AIG1: variants seen among roughly 807,000 people sequenced by gnomAD.
AIG1 encodes androgen-induced gene 1 protein.
AIG1 carries 23 observed loss-of-function variants against 31.4 expected under a neutral mutation model. The ratio of observed to expected loss-of-function variants is 0.73; its 90% CI spans 0.53 to 1.04. The LOEUF is 1.04. Ranked by LOEUF, AIG1 falls within the 50% of genes least tolerant of loss-of-function variation. AIG1 has a pLI of 0.00. For synonymous variants in AIG1, 100 were observed against 110.5 expected (o/e 0.90, Z 0.60); for missense variants, 274 against 295.0 (o/e 0.93, Z 0.52).
intron 1 of AIG1, among the ~76,000 whole-genome samples, chr6:143,124,630 C>T (rs887045469): frequency 7.9e-5 from 12 of 152,100 alleles, no homozygotes; most frequent in African/African-American, 2.7e-4. Flanking sequence ...AAGAAATACC[C>T]GAGGGTAATT....
At chr6:143,273,808 C>T (rs1796707872) in intron 3 of AIG1, among the ~76,000 whole-genome samples, 1 of 152,156 alleles carries the variant, frequency 6.6e-6, no homozygotes, top group South Asian at 2.1e-4. Flanking sequence ...TCAATTTTCT[C>T]CCACCAGGAC....
At position 143,299,107 on chromosome 6, in the gene AIG1, C is replaced by G. The variant is rs1435337113; in HGVS notation, c.515+14882C>G. 6.6e-6 allele frequency: 1 copy of G among 152,190 alleles called. No homozygotes were observed. The highest frequency in any genetic ancestry group is 1.5e-5 in the Non-Finnish European group (1 of 68,074). The allele number at this position is 152,190 out of a possible 1,614,324, so 9.4% of individuals were successfully genotyped here. A position where few individuals can be genotyped will look rare whatever the true frequency, so the allele number is the denominator to read the frequency against. On this transcript the variant is annotated intron_variant, in intron 4 of 5. Coordinates refer to ENST00000357847, the MANE Select transcript of AIG1 (RefSeq NM_016108.4). This position sits in a 1 kb window ranked among gnomAD's most constrained non-coding sequence, Gnocchi z 4.1. ...GGATGGCTGAAAAGAACTTCTGGGT[C>G]TATGACTCTCTCCTTGACAGAGGTG...
chr6:143,292,860 C>T lies in AIG1; in HGVS notation c.515+8635C>T, dbSNP rs558210560. Among the ~76,000 whole-genome samples, 6 of 152,274 alleles carry T rather than the reference C, an allele frequency of 3.9e-5. No homozygotes were observed. Among genetic ancestry groups the T allele is most frequent in the East Asian group, 3.9e-4 (2 of 5,184 alleles). ...AGTGGCCATTGTTGTTCTGTTTATA[C>T]GCTAGGAATACTCCATCCTAAGAGA... On this transcript the variant is annotated intron_variant, in intron 4 of 5. Coordinates refer to ENST00000357847, the MANE Select transcript of AIG1 (RefSeq NM_016108.4). The surrounding 1 kb of genome is among the most constrained non-coding windows in gnomAD (Gnocchi z 4.9).
chr6:143,335,059 A>T (rs1777368186), intron 5 of AIG1: 2 of 1,432,686 alleles, frequency 1.4e-6, no homozygotes, highest in African/African-American at 1.4e-5. Context: ...AGATATGAAA[A>T]TTAAGTTTAT....
chr6:143,303,935 G>C (rs942322538), intron 4 of AIG1, among the ~76,000 whole-genome samples: 6 of 148,180 alleles, frequency 4.0e-5, no homozygotes, highest in East Asian at 4.1e-4. Context: ...TTGAAGAGGT[G>C]CTTCACATCC....
intron 1 of AIG1, among the ~76,000 whole-genome samples, chr6:143,066,809 T>C (rs771764029): frequency 1.3e-5 from 2 of 152,194 alleles, no homozygotes; most frequent in Non-Finnish European, 2.9e-5. Flanking sequence ...TAACAATTTA[T>C]TGGGAAAAAT....
At chr6:143,317,441 G>A (rs1408213619) in intron 4 of AIG1, among the ~76,000 whole-genome samples, 1 of 152,082 alleles carries the variant, frequency 6.6e-6, no homozygotes, top group Non-Finnish European at 1.5e-5. Flanking sequence ...AAAAGCAGTT[G>A]ACAAAATCCA....
chr6:143,212,254 A>C lies in AIG1; in HGVS notation c.399+47071A>C, dbSNP rs143810681. Among the ~76,000 whole-genome samples the C allele has an allele frequency of 9.9e-4, 151 of 152,270 alleles. 1 individual carries two copies. Among genetic ancestry groups the C allele is most frequent in the African/African-American group, 3.6e-3 (148 of 41,560 alleles). ...CCACCTATTCTTGAAGACCAGTTTT[A>C]ATTGCCTCATGCTTCGAGCCCATTC... On this transcript the variant is annotated intron_variant, in intron 3 of 5. Transcript: ENST00000357847.
chr6:143,257,380 CCTT>C (rs1390193008), intron 3 of AIG1, among the ~76,000 whole-genome samples: 19 of 152,060 alleles, frequency 1.2e-4, no homozygotes, highest in Non-Finnish European at 5.9e-5. Flanking sequence ...TATTCAGGGA[CCTT>C]CTCGAACAAA....
intron 3 of AIG1, among the ~76,000 whole-genome samples, chr6:143,224,269 T>A (rs115375194): frequency 3.9e-5 from 6 of 152,118 alleles, no homozygotes; most frequent in Non-Finnish European, 7.4e-5. Flanking sequence ...TCTTTTACCC[T>A]CCCTTTCCTC....
chr6:143,276,772 T>C (rs1796951095), intron 3 of AIG1, among the ~76,000 whole-genome samples: 2 of 152,144 alleles, frequency 1.3e-5, no homozygotes, highest in South Asian at 4.1e-4. Context: ...ATTAGCGAAA[T>C]TAATAATGAT....
intron 4 of AIG1, among the ~76,000 whole-genome samples, chr6:143,306,614 C>T (rs921619664): frequency 1.3e-5 from 2 of 152,146 alleles, no homozygotes; most frequent in Non-Finnish European, 2.9e-5. Context: ...CCCGACCTTT[C>T]TCTCTGGCTT....
At chr6:143,215,954 G>A (rs759749042) in intron 3 of AIG1, among the ~76,000 whole-genome samples, 1 of 152,112 alleles carries the variant, frequency 6.6e-6, no homozygotes, top group Non-Finnish European at 1.5e-5. Flanking sequence ...AAACGAATGA[G>A]TGACTATGTT....
rs1454724946 is a variant in AIG1, at chr6:143,326,265, C to G, written c.516-7017C>G. Among the ~76,000 whole-genome samples, 3 of 152,206 alleles carry G rather than the reference C, an allele frequency of 2.0e-5. No individual in the cohort carries two copies. Among genetic ancestry groups the G allele is most frequent in the African/African-American group, 7.2e-5 (3 of 41,454 alleles). Reference sequence around the variant, plus strand: ...CCCATGGTTTGGCACCTGCCTGCTCCTTCTGCCCTCTCTTCCTTGATCACA... The same window carrying G: ...CCCATGGTTTGGCACCTGCCTGCTCGTTCTGCCCTCTCTTCCTTGATCACA... On this transcript the variant is annotated intron_variant, in intron 4 of 5. Coordinates refer to ENST00000357847, the MANE Select transcript of AIG1 (RefSeq NM_016108.4). This position sits in a 1 kb window ranked among gnomAD's most constrained non-coding sequence, Gnocchi z 4.5.
Position 143,074,101 on chromosome 6 carries a change from A to G in AIG1, c.141+13035A>G, listed in dbSNP as rs539394702. 7.9e-5 allele frequency among the ~76,000 whole-genome samples: 12 copies of G among 152,288 alleles called. No homozygotes were observed. The South Asian group carries it at 2.3e-3, about 29-fold the overall frequency. ...TTTTAATTGGGTCATTTGTTTTTCT[A>G]TGATTGAGTTGCATCAGTTCTTTAT... On this transcript the variant is annotated intron_variant, in intron 1 of 5. Transcript: ENST00000357847.
chr6:143,080,782 G>A (rs1342733348), intron 1 of AIG1, among the ~76,000 whole-genome samples: 2 of 152,168 alleles, frequency 1.3e-5, no homozygotes, highest in Admixed American at 6.5e-5. Context: ...AGTATCCAGG[G>A]TTTGGCTCGA....
At chr6:143,089,871 G>A (rs1404016498) in intron 1 of AIG1, among the ~76,000 whole-genome samples, 2 of 152,138 alleles carry the variant, frequency 1.3e-5, no homozygotes, top group Admixed American at 6.5e-5. Flanking sequence ...ATTCCCATTA[G>A]GCCCCACCTC....
chr6:143,228,183 C>T (rs1793164104), intron 3 of AIG1, among the ~76,000 whole-genome samples: 2 of 152,188 alleles, frequency 1.3e-5, no homozygotes, highest in Admixed American at 1.3e-4. Flanking sequence ...TTTGAAAAAT[C>T]TCTGCCCTGC....
At chr6:143,089,231 TGCTTA>T (rs1779084134) in intron 1 of AIG1, among the ~76,000 whole-genome samples, 1 of 150,332 alleles carries the variant, frequency 6.7e-6, no homozygotes, top group Non-Finnish European at 1.5e-5. Context: ...AAAAAAAGAC[TGCTTA>T]GCAAAATATA....
Sources: allele counts gnomAD v4.1 joint callset (sites outside exome capture counted in the v4.1 genomes callset), GRCh38; gene constraint gnomAD v4.1.1; non-coding constraint Gnocchi (gnomAD v3.1); transcripts MANE v1.5; gene names NCBI Gene and HGNC (gene_info 2026-07-23, HGNC 2026-07-21).